The following LRRC37A2 variants were observed in gnomAD, a reference collection of about 807,000 sequenced individuals.
LRRC37A2 encodes the protein leucine-rich repeat-containing protein 37A2.
A neutral mutation model predicts 68.8 loss-of-function variants in LRRC37A2; 9 were observed. The ratio of observed to expected loss-of-function variants is 0.13; its 90% confidence interval spans 0.08 to 0.23. The LOEUF is 0.23. LRRC37A2 is among the 10% of genes least tolerant of loss of function. The pLI is 1.00. For missense variants in LRRC37A2, 168 were observed against 950.4 expected (o/e 0.18, Z 10.82); for synonymous variants, 63 against 367.6 (o/e 0.17, Z 9.48).
At chr17:46,754,149 C>CTTTTTT in the LRRC37A2 span, among the ~76,000 whole-genome samples, 1 of 134,008 alleles carries the variant, frequency 7.5e-6, no homozygotes, top group Non-Finnish European at 1.6e-5. Flanking sequence ...CCAGCCAGTT[C>CTTTTTT]TTTTTTTTTT....
the LRRC37A2 span, chr17:46,769,918 T>A: frequency 7.4e-6 from 12 of 1,613,428 alleles, no homozygotes; most frequent in Admixed American, 8.3e-5. Flanking sequence ...ACTTCCAGCC[T>A]TCGCCAGGCG....
the LRRC37A2 span, among the ~76,000 whole-genome samples, chr17:47,023,303 C>T: frequency 1.3e-5 from 2 of 152,194 alleles, no homozygotes; most frequent in African/African-American, 2.4e-5. Flanking sequence ...AAAATGCTTA[C>T]ATTCAAAGTA....
chr17:47,038,524 T>G, the LRRC37A2 span, among the ~76,000 whole-genome samples: 1 of 151,138 alleles, frequency 6.6e-6, no homozygotes, highest in South Asian at 2.1e-4. Flanking sequence ...TTTATAACGT[T>G]GTAGTTCAGA....
the LRRC37A2 span, among the ~76,000 whole-genome samples, chr17:46,838,322 TAAA>T: frequency 5.4e-3 from 749 of 138,258 alleles, 11 homozygotes; most frequent in African/African-American, 0.019. Flanking sequence ...GGGCCTGCCT[TAAA>T]AAAAAAAAAA....
At chr17:46,999,749 A>G in the LRRC37A2 span, among the ~76,000 whole-genome samples, 1 of 151,898 alleles carries the variant, frequency 6.6e-6, no homozygotes, top group African/African-American at 2.4e-5. Flanking sequence ...CTATAATCCC[A>G]GCACTTTGGG....
the LRRC37A2 span, among the ~76,000 whole-genome samples, chr17:46,787,239 C>T: frequency 2.0e-5 from 3 of 149,444 alleles, no homozygotes; most frequent in African/African-American, 7.4e-5. Context: ...GCGTGCCCAG[C>T]CAATAAAGAC....
chr17:46,908,594 A>C, the LRRC37A2 span, among the ~76,000 whole-genome samples: 1 of 152,126 alleles, frequency 6.6e-6, no homozygotes, highest in African/African-American at 2.4e-5. Flanking sequence ...GACTGCTGTG[A>C]GTTCAGCTGT....
chr17:47,003,140 C>G, the LRRC37A2 span, among the ~76,000 whole-genome samples: 1 of 149,796 alleles, frequency 6.7e-6, no homozygotes, highest in Non-Finnish European at 1.5e-5. Flanking sequence ...GTCCCAGCTA[C>G]TCAGGAGGCT....
At chr17:46,942,932 C>T in the LRRC37A2 span, among the ~76,000 whole-genome samples, 5 of 152,224 alleles carry the variant, frequency 3.3e-5, no homozygotes, top group African/African-American at 1.2e-4. Flanking sequence ...CCCTCCCCGC[C>T]TCATCCCCAT....
the LRRC37A2 span, among the ~76,000 whole-genome samples, chr17:46,900,183 A>ATG: frequency 1.6e-5 from 2 of 122,870 alleles, no homozygotes; most frequent in East Asian, 2.2e-4. Context: ...ATATATATAT[A>ATG]TATATATATA....
the LRRC37A2 span, among the ~76,000 whole-genome samples, chr17:46,815,960 G>A: frequency 3.9e-5 from 6 of 152,214 alleles, no homozygotes; most frequent in Non-Finnish European, 7.4e-5. Flanking sequence ...GATCACAGGC[G>A]GACTCAGACA....
At chr17:46,927,357 A>G in the LRRC37A2 span, among the ~76,000 whole-genome samples, 1 of 152,162 alleles carries the variant, frequency 6.6e-6, no homozygotes, top group East Asian at 1.9e-4. Context: ...GGTGTACAGA[A>G]GTTTTTTGTT....
chr17:46,776,313 A>G, the LRRC37A2 span, among the ~76,000 whole-genome samples: 2 of 152,352 alleles, frequency 1.3e-5, no homozygotes, highest in South Asian at 2.1e-4. Context: ...CCTGATGGGC[A>G]CACGGCGCAC....
chr17:46,932,305 A>T, the LRRC37A2 span: 9 of 1,331,280 alleles, frequency 6.8e-6, no homozygotes, highest in East Asian at 2.1e-4. Context: ...AAGAAGACTG[A>T]TGATGAGGAA....
the LRRC37A2 span, chr17:46,762,953 T>C: frequency 1.3e-5 from 2 of 152,246 alleles, no homozygotes; most frequent in Non-Finnish European, 1.5e-5. Context: ...TATTATCCAG[T>C]TGACATGATT....
chr17:46,809,000 A>AC, the LRRC37A2 span, among the ~76,000 whole-genome samples: 6 of 152,088 alleles, frequency 3.9e-5, no homozygotes, highest in Non-Finnish European at 5.9e-5. Flanking sequence ...GAGCAGACTG[A>AC]CCCCAGGTCA....
At chr17:46,885,006 T>A in the LRRC37A2 span, 1 of 438,830 alleles carries the variant, frequency 2.3e-6, no homozygotes, top group African/African-American at 2.0e-5. Flanking sequence ...CTTTTTTTTT[T>A]AGACGAAGTC....
chr17:46,750,219 G>C, the LRRC37A2 span, among the ~76,000 whole-genome samples: 1 of 152,280 alleles, frequency 6.6e-6, no homozygotes, highest in East Asian at 1.9e-4. Context: ...TGGGCATGGT[G>C]GTGGGCACCT....
the LRRC37A2 span, among the ~76,000 whole-genome samples, chr17:46,863,924 G>A: frequency 6.6e-6 from 1 of 152,168 alleles, no homozygotes; most frequent in Non-Finnish European, 1.5e-5. Context: ...GGTTCCTGCT[G>A]TCCCTACAGC....
Sources: allele counts gnomAD v4.1 joint callset (sites outside exome capture counted in the v4.1 genomes callset), GRCh38; gene constraint gnomAD v4.1.1; transcripts MANE v1.5; gene names NCBI Gene and HGNC (gene_info 2026-07-23, HGNC 2026-07-21).